DIDO1: variants seen among roughly 807,000 people sequenced by gnomAD.
DIDO1 encodes the protein death inducer-obliterator 1.
A neutral mutation model predicts 99.4 loss-of-function variants in DIDO1; 16 were observed. The ratio of observed to expected loss-of-function variants is 0.16; its 90% CI spans 0.11 to 0.24. The LOEUF is 0.24. Ranked by LOEUF, DIDO1 falls within the 10% of genes least tolerant of loss-of-function variation. The probability of loss-of-function intolerance (pLI) is 1.00; values close to 1 mark genes in which losing one functional copy is unlikely to be tolerated. For synonymous variants in DIDO1, 1,366 were observed against 1,239.1 expected, an observed-to-expected ratio of 1.10 and a Z score of -2.15; for missense variants, 2,996 against 3,014.0, an observed-to-expected ratio of 0.99 and a Z score of 0.14.
chr20:62,919,547 GAAAAA>G (rs961675959), intron 1 of DIDO1, among the ~76,000 whole-genome samples: 1 of 139,308 alleles, frequency 7.2e-6, no homozygotes, highest in African/African-American at 2.6e-5. Context: ...TCTCAAAGAA[GAAAAA>G]AAAAAAGCAG....
At position 62,894,730 on chromosome 20, in the gene DIDO1, C is replaced by G; in HGVS notation, c.2436+80G>C. 1 of 1,489,520 alleles carries G rather than the reference C, an allele frequency of 6.7e-7. No homozygotes were observed. Among genetic ancestry groups the G allele is most frequent in the Non-Finnish European group, 9.1e-7 (1 of 1,095,826 alleles). 92.3% of individuals were successfully genotyped at this position (1,489,520 alleles called of 1,614,324 possible). ...CACCTGCTGTAAGCTCAGGTCCTGCCCAATAATTTAAGATAACCTCAAAAC... is the reference window on the plus strand; with the variant it reads ...CACCTGCTGTAAGCTCAGGTCCTGCGCAATAATTTAAGATAACCTCAAAAC... On this transcript the variant is annotated intron_variant, in intron 10 of 15. Transcript: ENST00000395343. The surrounding 1 kb of genome is among the most constrained non-coding windows in gnomAD (Gnocchi z 4.4).
upstream of DIDO1, chr20:62,926,592 G>GCTGCGAAGCCCGGCCCCGGA (rs1194787944): frequency 5.3e-5 from 8 of 152,186 alleles, no homozygotes; most frequent in Non-Finnish European, 1.0e-4. Flanking sequence ...CGGAGCCCGG[G>GCTGCGAAGCCCGGCCCCGGA]CTGCGAAGCC....
chr20:62,905,073 C>G (rs2064770766), intron 6 of DIDO1: 1 of 991,390 alleles, frequency 1.0e-6, no homozygotes, highest in Non-Finnish European at 1.2e-6. Flanking sequence ...ACCACAGAAT[C>G]TGAGGTTTCA....
Position 62,881,501 on chromosome 20 carries a change from C to A in DIDO1, c.4455G>T (p.Gln1485His), listed in dbSNP as rs758390188. 1 of 1,611,076 alleles carries A rather than the reference C, an allele frequency of 6.2e-7. No homozygotes were observed. Among genetic ancestry groups the A allele is most frequent in the East Asian group, 2.2e-5 (1 of 44,886 alleles). ...CCAGCTGTCTCTTCTGCTCCTCGAT[C>A]TGTTTGTTCAGCTCTTCTAGCATCT... Reference protein sequence around the residue: ...QQKMLEELNKQIEEQKRQLEE... With the variant: ...QQKMLEELNKHIEEQKRQLEE... Residue 1485 changes from glutamine (Q) to histidine (H), a missense_variant, in exon 16 of 16, where the codon CAG (glutamine) becomes CAT (histidine). This residue lies in a region of DIDO1 where 1,562 missense variants were observed against 1,412.6 expected (regional missense o/e 1.11). Coordinates refer to ENST00000395343, the MANE Select transcript of DIDO1 (RefSeq NM_001193369.2). This position sits in a 1 kb window ranked among gnomAD's most constrained non-coding sequence, Gnocchi z 8.3.
chr20:62,921,019 G>A (rs1337032738), intron 1 of DIDO1, among the ~76,000 whole-genome samples: 3 of 152,056 alleles, frequency 2.0e-5, no homozygotes, highest in Non-Finnish European at 2.9e-5. Flanking sequence ...TCAGCCTCCC[G>A]AGTAGCTGGG....
At chr20:62,893,644 A>G in intron 12 of DIDO1, 22 bp downstream of exon 12, 2 of 1,569,050 alleles carry the variant, frequency 1.3e-6, no homozygotes, top group Admixed American at 1.8e-5. Flanking sequence ...TGGCTTGTTC[A>G]GACCACACCT....
At chr20:62,885,872 G>A (rs1347887014) in intron 15 of DIDO1, among the ~76,000 whole-genome samples, 1 of 152,248 alleles carries the variant, frequency 6.6e-6, no homozygotes, top group East Asian at 1.9e-4. Flanking sequence ...AGGAAAGGGT[G>A]TGCCTGCCAC....
At chr20:62,922,330 T>G (rs1214731453) in intron 1 of DIDO1, among the ~76,000 whole-genome samples, 2 of 151,776 alleles carry the variant, frequency 1.3e-5, no homozygotes, top group East Asian at 3.9e-4. Flanking sequence ...TGGGGCCTAC[T>G]CCCCTCAGTG....
chr20:62,898,382 A>G (rs1222391919), intron 6 of DIDO1, among the ~76,000 whole-genome samples: 4 of 152,220 alleles, frequency 2.6e-5, no homozygotes, highest in Admixed American at 6.5e-5. Context: ...AACTTCCCAG[A>G]TAAGTACAAC....
At chr20:62,902,980 A>C (rs1192350468) in intron 6 of DIDO1, among the ~76,000 whole-genome samples, 2 of 152,240 alleles carry the variant, frequency 1.3e-5, no homozygotes, top group African/African-American at 2.4e-5. Flanking sequence ...AGTCAGGTAC[A>C]TCTCAGAAAA....
intron 1 of DIDO1, among the ~76,000 whole-genome samples, chr20:62,920,260 G>A (rs1206304525): frequency 1.3e-5 from 2 of 152,164 alleles, no homozygotes; most frequent in African/African-American, 4.8e-5. Context: ...TTCCCCTCAA[G>A]GGCATCTGTT....
chr20:62,923,807 C>T (rs1008590803), intron 1 of DIDO1, among the ~76,000 whole-genome samples: 2 of 152,132 alleles, frequency 1.3e-5, no homozygotes, highest in Admixed American at 6.5e-5. Flanking sequence ...TATCAGCATA[C>T]GCAAAACAAA....
intron 15 of DIDO1, chr20:62,887,581 G>A (rs1365978980): frequency 5.1e-5 from 50 of 985,360 alleles, no homozygotes; most frequent in Non-Finnish European, 5.9e-5. Flanking sequence ...TTACTCCACA[G>A]GCATTTCAGA....
chr20:62,937,093 C>T (rs2065396524), intron 1 of DIDO1, among the ~76,000 whole-genome samples: 1 of 152,220 alleles, frequency 6.6e-6, no homozygotes, highest in Non-Finnish European at 1.5e-5. Flanking sequence ...ACATAGCTTA[C>T]ACGTTGTTCA....
chr20:62,896,700 G>A lies in DIDO1; in HGVS notation c.1885C>T (p.Pro629Ser). The A allele has an allele frequency of 1.2e-6, 2 of 1,613,920 alleles. No individual in the cohort carries two copies. Among genetic ancestry groups the A allele is most frequent in the South Asian group, 1.1e-5 (1 of 91,084 alleles). Residue 629 changes from proline to serine, a missense_variant, in exon 7 of 16, where the codon CCT (proline) becomes TCT (serine). Pro to Ser is a moderately conservative substitution (Grantham distance 74). Coordinates refer to ENST00000395343, the MANE Select transcript of DIDO1 (RefSeq NM_001193369.2). This position sits in a 1 kb window ranked among gnomAD's most constrained non-coding sequence, Gnocchi z 4.4. The part of the protein sequence containing the change: ...AAATAASKKF[P>S]GSAALVGAVR... ...GCTCCCACCAAAGCAGCGGAGCCAG[G>A]GAACTTCTTGGAGGCAGCCGTTGCC...
chr20:62,906,134 A>G (rs1568862394), intron 5 of DIDO1, 34 bp from the exon 6 acceptor site: 1 of 1,587,506 alleles, frequency 6.3e-7, no homozygotes, highest in Admixed American at 1.8e-5. Context: ...ATCATTAAAA[A>G]GGTAAGAAAT....
Position 62,881,004 on chromosome 20 carries a change from G to A in DIDO1, c.4952C>T (p.Ser1651Leu), listed in dbSNP as rs780424414. Residue 1651 changes from serine (S) to leucine (L), a missense_variant, in exon 16 of 16, where the codon TCG becomes TTG. Physicochemically the swap from Ser to Leu is moderately radical, Grantham distance 145. This residue lies in a region of DIDO1 where 1,562 missense variants were observed against 1,412.6 expected (regional missense o/e 1.11). Coordinates refer to ENST00000395343, the MANE Select transcript of DIDO1 (RefSeq NM_001193369.2). This position sits in a 1 kb window ranked among gnomAD's most constrained non-coding sequence, Gnocchi z 8.3. Reference protein sequence around the residue: ...GTRPATVGDSSARPARRVLLP... With the variant: ...GTRPATVGDSLARPARRVLLP... ...CAGCACCCTCCGGGCAGGCCTGGCC[G>A]AGCTGTCTCCAACCGTGGCGGGGCG... 8 of 1,605,724 alleles carry A rather than the reference G, an allele frequency of 5.0e-6. No homozygotes were observed. Among genetic ancestry groups the A allele is most frequent in the Non-Finnish European group, 6.8e-6 (8 of 1,178,794 alleles).
At chr20:62,889,797 A>G in intron 15 of DIDO1, 1 of 985,464 alleles carries the variant, frequency 1.0e-6, no homozygotes, top group Non-Finnish European at 1.2e-6. Context: ...TTTGCTTTTA[A>G]AAATTTATCT....
intron 2 of DIDO1, among the ~76,000 whole-genome samples, chr20:62,913,403 G>T (rs2064983420): frequency 6.6e-6 from 1 of 152,200 alleles, no homozygotes; most frequent in Admixed American, 6.5e-5. Flanking sequence ...CCAGCCAGGT[G>T]ACCCCAGGCA....
Sources: allele counts gnomAD v4.1 joint callset (sites outside exome capture counted in the v4.1 genomes callset), GRCh38; gene constraint gnomAD v4.1.1; regional missense constraint gnomAD v4.1.1; non-coding constraint Gnocchi (gnomAD v3.1); transcripts MANE v1.5; gene names NCBI Gene and HGNC (gene_info 2026-07-23, HGNC 2026-07-21).